The following EBF1 variants were observed in gnomAD, a reference collection of about 807,000 sequenced individuals.
The protein encoded by EBF1 is EBF transcription factor 1, also known as transcription factor COE1.
Under a neutral mutation model 68.4 loss-of-function variants are expected in EBF1, and 10 were observed. That is an observed-to-expected ratio of 0.15 (90% CI 0.09 to 0.25). EBF1 has a LOEUF of 0.25. Ranked by LOEUF, EBF1 falls within the 10% of genes least tolerant of loss-of-function variation. The probability of loss-of-function intolerance (pLI) is 1.00; values close to 1 mark genes in which losing one functional copy is unlikely to be tolerated. For missense variants in EBF1, 509 were observed against 794.4 expected, an observed-to-expected ratio of 0.64 and a Z score of 4.32; for synonymous variants, 298 against 299.8, an observed-to-expected ratio of 0.99 and a Z score of 0.06.
intron 6 of EBF1, among the ~76,000 whole-genome samples, chr5:158,921,421 G>A (rs938018596): frequency 2.6e-5 from 4 of 152,166 alleles, no homozygotes; most frequent in East Asian, 3.8e-4. Context: ...TTTAGGACTC[G>A]CATCTGCTCC....
chr5:158,967,215 G>C (rs1754359381), intron 6 of EBF1, among the ~76,000 whole-genome samples: 1 of 152,174 alleles, frequency 6.6e-6, no homozygotes, highest in South Asian at 2.1e-4. Flanking sequence ...CAGTAGTGCA[G>C]GAGAGATACA....
intron 11 of EBF1, among the ~76,000 whole-genome samples, chr5:158,722,205 G>A (rs1051040291): frequency 2.0e-5 from 3 of 152,324 alleles, no homozygotes; most frequent in East Asian, 1.9e-4. Flanking sequence ...TCTGGACAGA[G>A]ATGCCTTTTT....
intron 6 of EBF1, among the ~76,000 whole-genome samples, chr5:159,013,304 C>T (rs191477469): frequency 6.6e-6 from 1 of 152,168 alleles, no homozygotes; most frequent in Non-Finnish European, 1.5e-5. Flanking sequence ...AGGCCCTGCC[C>T]TCAGTGAGCT....
intron 6 of EBF1, among the ~76,000 whole-genome samples, chr5:158,852,060 GAGGGGAGGA>G (rs1793019685): frequency 1.4e-5 from 1 of 71,722 alleles, no homozygotes; most frequent in Non-Finnish European, 2.9e-5. Context: ...GAGGGGAGGA[GAGGGGAGGA>G]GAGGGGAGGG....
At chr5:159,079,101 A>G (rs1779297450) in intron 5 of EBF1, among the ~76,000 whole-genome samples, 1 of 152,178 alleles carries the variant, frequency 6.6e-6, no homozygotes, top group African/African-American at 2.4e-5. Flanking sequence ...AGTTATAAAG[A>G]TGACTTGATT....
intron 6 of EBF1, among the ~76,000 whole-genome samples, chr5:158,853,723 C>T (rs140892805): frequency 6.6e-6 from 1 of 152,274 alleles, no homozygotes; most frequent in African/African-American, 2.4e-5. Context: ...TTAGGCTCCA[C>T]AACTTCAATA....
At chr5:158,901,702 T>TA (rs1803382897) in intron 6 of EBF1, among the ~76,000 whole-genome samples, 1 of 152,248 alleles carries the variant, frequency 6.6e-6, no homozygotes, top group African/African-American at 2.4e-5. Context: ...GGTATTCTTT[T>TA]AACCCCCTTT....
chr5:158,900,732 C>T (rs1465761058), intron 6 of EBF1, among the ~76,000 whole-genome samples: 1 of 152,174 alleles, frequency 6.6e-6, no homozygotes, highest in Non-Finnish European at 1.5e-5. Context: ...GGGCACCAGG[C>T]GTTACACTAG....
At chr5:158,817,766 C>T (rs1784051073) in intron 8 of EBF1, among the ~76,000 whole-genome samples, 1 of 152,166 alleles carries the variant, frequency 6.6e-6, no homozygotes, top group African/African-American at 2.4e-5. Flanking sequence ...TTGCTTAGTA[C>T]CTCTCCTCTC....
intron 11 of EBF1, among the ~76,000 whole-genome samples, chr5:158,729,611 T>C (rs1480589601): frequency 1.3e-5 from 2 of 152,216 alleles, no homozygotes; most frequent in African/African-American, 4.8e-5. Context: ...TGCTGTTTAT[T>C]ATTATAGTTA....
At chr5:158,987,975 G>C (rs986713148) in intron 6 of EBF1, among the ~76,000 whole-genome samples, 1 of 152,168 alleles carries the variant, frequency 6.6e-6, no homozygotes, top group Non-Finnish European at 1.5e-5. Context: ...GAGCAGCACT[G>C]TGGAGAAAAC....
At chr5:158,855,306 T>A (rs778397816) in intron 6 of EBF1, among the ~76,000 whole-genome samples, 13 of 152,242 alleles carry the variant, frequency 8.5e-5, no homozygotes, top group Non-Finnish European at 1.6e-4. Flanking sequence ...AACTTTTCTT[T>A]AACTGATCCT....
At chr5:158,821,704 A>T (rs990395482) in intron 8 of EBF1, among the ~76,000 whole-genome samples, 2 of 152,230 alleles carry the variant, frequency 1.3e-5, no homozygotes, top group Admixed American at 6.5e-5. Context: ...TATTATAAAG[A>T]CAACATTACT....
intron 6 of EBF1, among the ~76,000 whole-genome samples, chr5:158,979,738 GC>G (rs1757528550): frequency 6.6e-6 from 1 of 150,802 alleles, no homozygotes; most frequent in Non-Finnish European, 1.5e-5. Flanking sequence ...TTTTTCTAAA[GC>G]AAAAATTTCC....
chr5:158,808,717 C>T (rs6863357), intron 8 of EBF1, among the ~76,000 whole-genome samples: 11,902 of 151,720 alleles, frequency 0.078, 521 homozygotes, highest in South Asian at 0.11. Context: ...GAGATGATGA[C>T]GAAGAGGAGG....
chr5:158,969,394 C>G (rs1314055674), intron 6 of EBF1, among the ~76,000 whole-genome samples: 2 of 152,076 alleles, frequency 1.3e-5, no homozygotes, highest in Non-Finnish European at 2.9e-5. Flanking sequence ...TCCCATGTGC[C>G]TTCCTGGTCA....
Position 158,861,335 on chromosome 5 carries a change from G to A in EBF1, c.555-21225C>T, listed in dbSNP as rs1047986144. Among the ~76,000 whole-genome samples the A allele has an allele frequency of 2.9e-5, 4 of 139,250 alleles. 1 individual carries two copies. In the South Asian group the frequency reaches 8.4e-4, roughly 29 times the overall value. 91.4% of individuals were successfully genotyped at this position (139,250 alleles called of 152,430 possible). A position where few individuals can be genotyped will look rare whatever the true frequency, so the allele number is the denominator to read the frequency against. The stretch of plus-strand genomic sequence containing the variant: ...ATGTTAAAAACAGCAGTAACCGAAT[G>A]TACACTCAATTTTTAGAGACTTGCT... On this transcript the variant is annotated intron_variant, in intron 6 of 15. Coordinates refer to ENST00000313708, the MANE Select transcript of EBF1 (RefSeq NM_024007.5).
intron 6 of EBF1, among the ~76,000 whole-genome samples, chr5:159,069,553 T>A (rs1355028193): frequency 6.6e-6 from 1 of 152,124 alleles, no homozygotes; most frequent in Non-Finnish European, 1.5e-5. Flanking sequence ...GAATGAATGG[T>A]CATCCTAACC....
chr5:159,018,424 T>A (rs1431077329), intron 6 of EBF1, among the ~76,000 whole-genome samples: 2 of 152,240 alleles, frequency 1.3e-5, no homozygotes, highest in African/African-American at 2.4e-5. Context: ...AGCATTAACA[T>A]CTATATACAA....
Sources: gnomAD v4.1 joint callset for allele counts (sites outside exome capture counted in the v4.1 genomes callset) on GRCh38, gnomAD v4.1.1 for gene constraint, MANE v1.5 for transcripts, NCBI Gene and HGNC (gene_info 2026-07-23, HGNC 2026-07-21) for gene names.